Variants in KIAA1217 observed in about 807,000 individuals in gnomAD.
KIAA1217 encodes sickle tail protein homolog.
KIAA1217 carries 88 observed loss-of-function variants against 163.9 expected under a neutral mutation model. That is an observed-to-expected ratio of 0.54 (90% CI 0.45 to 0.64). The LOEUF is 0.64. KIAA1217 is among the 30% of genes least tolerant of loss of function. KIAA1217 has a pLI of 0.00. For synonymous variants in KIAA1217, 903 were observed against 923.1 expected (o/e 0.98, Z 0.39); for missense variants, 2,372 against 2,475.0 (o/e 0.96, Z 0.88).
intron 3 of KIAA1217, among the ~76,000 whole-genome samples, chr10:24,386,979 G>A (rs1476106819): frequency 1.3e-5 from 2 of 152,188 alleles, no homozygotes; most frequent in African/African-American, 2.4e-5. Flanking sequence ...TGTAGTTATT[G>A]AAAAGTAATA....
chr10:23,869,241 C>T (rs560604231), intron 1 of KIAA1217, among the ~76,000 whole-genome samples: 3 of 138,536 alleles, frequency 2.2e-5, no homozygotes, highest in East Asian at 4.8e-4. Flanking sequence ...ATAGATGACT[C>T]TTTCCAGTGG....
intron 2 of KIAA1217, among the ~76,000 whole-genome samples, chr10:24,176,588 T>A (rs929084714): frequency 1.3e-5 from 2 of 152,232 alleles, no homozygotes; most frequent in Admixed American, 1.3e-4. Context: ...GAGTGCTGAT[T>A]GGTGCATTTA....
chr10:24,486,197 C>G (rs1592314256), intron 6 of KIAA1217, among the ~76,000 whole-genome samples: 1 of 152,214 alleles, frequency 6.6e-6, no homozygotes, highest in East Asian at 1.9e-4. Flanking sequence ...CACCTTCAGC[C>G]TGTTCTCAGT....
intron 1 of KIAA1217, among the ~76,000 whole-genome samples, chr10:23,802,301 ATGATGAAAGAG>A (rs1252624403): frequency 1.3e-5 from 2 of 152,190 alleles, no homozygotes; most frequent in South Asian, 2.1e-4. Flanking sequence ...GTTCCAACAC[ATGATGAAAGAG>A]TGATTGAGGG....
At chr10:24,370,222 G>T (rs923775915) in intron 2 of KIAA1217, among the ~76,000 whole-genome samples, 30 of 135,074 alleles carry the variant, frequency 2.2e-4, no homozygotes, top group African/African-American at 8.3e-4. Flanking sequence ...CCAAGATCAC[G>T]CCACTGCACT....
chr10:24,100,038 C>A (rs950348254), intron 2 of KIAA1217, among the ~76,000 whole-genome samples: 1 of 151,938 alleles, frequency 6.6e-6, no homozygotes. Flanking sequence ...ACTGGGACAG[C>A]CCTTTTCTTT....
intron 2 of KIAA1217, among the ~76,000 whole-genome samples, chr10:24,142,627 A>T (rs2131837409): frequency 6.6e-6 from 1 of 152,354 alleles, no homozygotes; most frequent in African/African-American, 2.4e-5. Context: ...CTTTTAATTT[A>T]AAAAAGGATA....
rs548510580 is a variant in KIAA1217 at position 24,181,307 on chromosome 10, G to A, written c.-170-38319G>A. ...AGGATATGGAGTTGAGACCTAAAGA[G>A]AAGTAGGACCTGGCTAGATGAAGTG... On this transcript the variant is annotated intron_variant, in intron 2 of 18. Transcript: ENST00000376462. Among the ~76,000 whole-genome samples, 6 of 152,314 alleles carry A rather than the reference G, an allele frequency of 3.9e-5. No individual in the cohort carries two copies. In the South Asian group the frequency reaches 8.3e-4, roughly 21 times the overall value.
chr10:23,926,932 G>C (rs1325960932), intron 1 of KIAA1217, among the ~76,000 whole-genome samples: 1 of 151,754 alleles, frequency 6.6e-6, no homozygotes, highest in Admixed American at 6.6e-5. Flanking sequence ...TTTTGAGACA[G>C]GGTTTCACTT....
At chr10:24,271,391 A>G (rs182630742) in intron 2 of KIAA1217, among the ~76,000 whole-genome samples, 208 of 152,274 alleles carry the variant, frequency 1.4e-3, no homozygotes, top group African/African-American at 4.8e-3. Context: ...CCACATCATA[A>G]GTGCTAATTT....
At chr10:24,166,904 A>C (rs754523842) in intron 2 of KIAA1217, among the ~76,000 whole-genome samples, 5 of 152,220 alleles carry the variant, frequency 3.3e-5, no homozygotes, top group Non-Finnish European at 7.3e-5. Context: ...ACAACAAAAA[A>C]ATTAATCATT....
At chr10:23,923,107 C>T (rs116856907) in intron 1 of KIAA1217, among the ~76,000 whole-genome samples, 3,173 of 152,178 alleles carry the variant, frequency 0.021, 61 homozygotes, top group Admixed American at 0.064. Flanking sequence ...CCAGCCTTCC[C>T]CCCGAGTCCC....
intron 3 of KIAA1217, among the ~76,000 whole-genome samples, chr10:24,415,230 T>G (rs1303680147): frequency 6.6e-6 from 1 of 150,932 alleles, no homozygotes; most frequent in Non-Finnish European, 1.5e-5. Context: ...TTCTCCTGCC[T>G]CAGCCTCCTG....
At position 24,005,479 on chromosome 10, in the gene KIAA1217, C is replaced by G. The variant is rs533488588; in HGVS notation, c.-320-1746C>G. ...ATTGGGCAAAATAATCACTCCTTCACCTGGTCACTGGTTTATGTAAGTGGA... is the reference window on the plus strand; with the variant it reads ...ATTGGGCAAAATAATCACTCCTTCAGCTGGTCACTGGTTTATGTAAGTGGA... On this transcript the variant is annotated intron_variant, in intron 1 of 18. Coordinates refer to the KIAA1217 transcript ENST00000376462. Among the ~76,000 whole-genome samples, 18 of 152,256 alleles carry G rather than the reference C, an allele frequency of 1.2e-4. No homozygotes were observed. In the South Asian group the frequency reaches 2.1e-3, roughly 18 times the overall value.
At chr10:24,109,726 T>C (rs192293065) in intron 2 of KIAA1217, among the ~76,000 whole-genome samples, 116 of 152,188 alleles carry the variant, frequency 7.6e-4, no homozygotes, top group African/African-American at 2.7e-3. Context: ...GAATAAGAAG[T>C]CAATGTTTGG....
At chr10:23,944,616 T>A (rs1222549551) in intron 1 of KIAA1217, among the ~76,000 whole-genome samples, 1 of 152,096 alleles carries the variant, frequency 6.6e-6, no homozygotes, top group Admixed American at 6.6e-5. Flanking sequence ...GCTAAATAAA[T>A]CCACAATATG....
chr10:23,915,474 A>T (rs1443212175), intron 1 of KIAA1217, among the ~76,000 whole-genome samples: 1 of 152,122 alleles, frequency 6.6e-6, no homozygotes, highest in Non-Finnish European at 1.5e-5. Context: ...GATGAGGGGA[A>T]AACTGATGAA....
chr10:24,321,006 C>A (rs1177798347), intron 2 of KIAA1217, among the ~76,000 whole-genome samples: 1 of 150,926 alleles, frequency 6.6e-6, no homozygotes, highest in Admixed American at 6.6e-5. Context: ...GAGATCACAC[C>A]ACTGCACTCC....
At chr10:24,368,049 G>C (rs2051032340) in intron 2 of KIAA1217, among the ~76,000 whole-genome samples, 1 of 152,168 alleles carries the variant, frequency 6.6e-6, no homozygotes, top group African/African-American at 2.4e-5. Context: ...GCTCAATTTA[G>C]AAAGTTCCTG....
Sources: gnomAD v4.1 joint callset for allele counts (sites outside exome capture counted in the v4.1 genomes callset) on GRCh38, gnomAD v4.1.1 for gene constraint, MANE v1.5 for transcripts, NCBI Gene and HGNC (gene_info 2026-07-23, HGNC 2026-07-21) for gene names.